The following MIPOL1 variants were observed in gnomAD, a reference collection of about 807,000 sequenced individuals.
The protein encoded by MIPOL1 is mirror-image polydactyly 1, also known as mirror-image polydactyly gene 1 protein.
In MIPOL1, 57 loss-of-function variants were observed where a neutral mutation model predicts 60.9. The observed-to-expected ratio is 0.94, with a 90% CI of 0.76 to 1.17. The LOEUF is 1.17. Ranked by LOEUF, MIPOL1 falls within the 50% of genes most tolerant of loss-of-function variation. MIPOL1 has a pLI of 0.00. For synonymous variants in MIPOL1, 179 were observed against 168.8 expected, an observed-to-expected ratio of 1.06 and a Z score of -0.47; for missense variants, 551 against 511.6, an observed-to-expected ratio of 1.08 and a Z score of -0.74.
chr14:37,378,852 A>G (rs993832907), intron 10 of MIPOL1, among the ~76,000 whole-genome samples: 1 of 152,104 alleles, frequency 6.6e-6, no homozygotes, highest in Non-Finnish European at 1.5e-5. Context: ...TTCACTGTAT[A>G]AAAAGGCACT....
intron 9 of MIPOL1, among the ~76,000 whole-genome samples, chr14:37,349,487 A>G (rs932763862): frequency 3.3e-5 from 5 of 152,172 alleles, no homozygotes; most frequent in Non-Finnish European, 7.3e-5. Context: ...CATTCCTGCT[A>G]CAGGATTCTC....
At chr14:37,216,100 A>G (rs577609877) in intron 1 of MIPOL1, among the ~76,000 whole-genome samples, 6 of 151,974 alleles carry the variant, frequency 3.9e-5, no homozygotes, top group African/African-American at 1.2e-4. Context: ...AAAGGGATGG[A>G]AAGAGCTATT....
rs1288303852 is a variant in MIPOL1 at position 37,270,508 on chromosome 14, T to C, written c.476T>C (p.Ile159Thr). 6.3e-7 allele frequency: 1 copy of C among 1,596,638 alleles called. No individual in the cohort carries two copies. Among genetic ancestry groups the C allele is most frequent in the Non-Finnish European group, 8.5e-7 (1 of 1,170,508 alleles). ...ELQEKETEAK[I>T]AEKTAALVEE... Reference sequence around the variant, plus strand: ...CAAGAGAAAGAAACAGAAGCTAAAATTGCTGAAAAGACAGCAGGTATAGTA... The same window carrying C: ...CAAGAGAAAGAAACAGAAGCTAAAACTGCTGAAAAGACAGCAGGTATAGTA... The change falls in exon 6 of 13, where the codon ATT becomes ACT. Residue 159 changes from isoleucine (I) to threonine (T), a missense_variant. By Grantham distance (89) the Ile-to-Thr change is moderately conservative. Transcript: ENST00000684589.
chr14:37,494,647 A>G (rs1429209499), intron 11 of MIPOL1, among the ~76,000 whole-genome samples: 2 of 152,216 alleles, frequency 1.3e-5, no homozygotes, highest in East Asian at 1.9e-4. Context: ...GCTCTGCTAC[A>G]TGTATTAAAT....
intron 9 of MIPOL1, among the ~76,000 whole-genome samples, chr14:37,317,592 C>G (rs1313425533): frequency 1.3e-5 from 2 of 152,036 alleles, no homozygotes; most frequent in Admixed American, 1.3e-4. Context: ...AGTGATGAGG[C>G]ACATAGAAAG....
chr14:37,508,466 A>G (rs2095299335), intron 12 of MIPOL1, among the ~76,000 whole-genome samples: 1 of 152,146 alleles, frequency 6.6e-6, no homozygotes, highest in African/African-American at 2.4e-5. Flanking sequence ...TTTAAACGAT[A>G]TTTTTATTGT....
intron 10 of MIPOL1, among the ~76,000 whole-genome samples, chr14:37,408,863 G>A (rs1179632075): frequency 2.0e-5 from 3 of 152,144 alleles, no homozygotes; most frequent in Non-Finnish European, 4.4e-5. Context: ...AGCATTGCTG[G>A]TTTCACAAAA....
rs1171387928 is a variant in MIPOL1 at position 37,524,559 on chromosome 14, C to CTTTTTT, written c.1263-22341_1263-22340insTTTTTT. Among the ~76,000 whole-genome samples, 5 of 18,498 alleles carry CTTTTTT rather than the reference C, an allele frequency of 2.7e-4. 2 individuals carry two copies. The highest frequency in any genetic ancestry group is 1.2e-3 in the African/African-American group (3 of 2,574). The allele number at this position is 18,498 out of a possible 152,430, so 12.1% of individuals were successfully genotyped here. ...TGTTCTTCTTGACATCTTAATTTTTCTTTTTCTTTTCTTTTTTTTTTTTTT... is the reference window on the plus strand; with the variant it reads ...TGTTCTTCTTGACATCTTAATTTTTCTTTTTTTTTTTCTTTTCTTTTTTTTTTTTTT... On this transcript the variant is annotated intron_variant, in intron 12 of 12. Coordinates refer to ENST00000684589, the MANE Select transcript of MIPOL1 (RefSeq NM_001388067.1).
chr14:37,212,170 T>C (rs1966859966), intron 1 of MIPOL1: 3 of 152,188 alleles, frequency 2.0e-5, no homozygotes, highest in African/African-American at 7.2e-5. Context: ...CGCAAAACTC[T>C]TTCTGTCTGA....
chr14:37,257,567 G>A (rs1210116023), intron 3 of MIPOL1, among the ~76,000 whole-genome samples: 1 of 152,044 alleles, frequency 6.6e-6, no homozygotes, highest in Non-Finnish European at 1.5e-5. Context: ...GGTTTCATTT[G>A]GAATCTTAAT....
chr14:37,392,677 C>A (rs886654954), intron 10 of MIPOL1, among the ~76,000 whole-genome samples: 4 of 152,016 alleles, frequency 2.6e-5, no homozygotes, highest in Admixed American at 6.6e-5. Flanking sequence ...TATCCTTTAT[C>A]CCTGTGAGAA....
Position 37,270,502 on chromosome 14 carries a change from C to G in MIPOL1, c.470C>G (p.Ala157Gly), listed in dbSNP as rs1357106636. 3.1e-6 allele frequency: 5 copies of G among 1,595,568 alleles called. No individual in the cohort carries two copies. The change falls in exon 6 of 13, where the codon GCT (alanine) becomes GGT (glycine). Residue 157 changes from alanine to glycine, a missense_variant. Transcript: ENST00000684589. ...KLELQEKETEAKIAEKTAALV... is the reference protein window; with the variant it reads ...KLELQEKETEGKIAEKTAALV... The stretch of plus-strand genomic sequence containing the variant: ...GAACTCCAAGAGAAAGAAACAGAAG[C>G]TAAAATTGCTGAAAAGACAGCAGGT...
At chr14:37,241,264 A>T (rs188910600) in intron 1 of MIPOL1, among the ~76,000 whole-genome samples, 1 of 152,134 alleles carries the variant, frequency 6.6e-6, no homozygotes, top group Non-Finnish European at 1.5e-5. Flanking sequence ...TGTTCTATTC[A>T]GGACCTTGAA....
In MIPOL1 at chr14:37,500,118, G is replaced by A; in HGVS notation, c.1242G>A (p.Val414=). 1.9e-6 allele frequency: 3 copies of A among 1,604,214 alleles called. No individual in the cohort carries two copies. The highest frequency in any genetic ancestry group is 2.6e-6 in the Non-Finnish European group (3 of 1,175,460). The stretch of plus-strand genomic sequence containing the variant: ...AACATGCCAGAGAGGCCTCCCAAGT[G>A]GCCAATGAAAAAGTTCAAAAGTAAG... The part of the protein sequence containing the change: ...QLQHAREASQ[V]ANEKVQKLER... Residue 414 remains valine, a synonymous_variant, in exon 12 of 13, where the codon GTG becomes GTA. Transcript: ENST00000684589.
At chr14:37,485,533 C>T (rs2094934099) in intron 11 of MIPOL1, among the ~76,000 whole-genome samples, 2 of 152,076 alleles carry the variant, frequency 1.3e-5, no homozygotes, top group Admixed American at 6.6e-5. Flanking sequence ...TTCTAACTGG[C>T]GTGAGATGGT....
Position 37,206,443 on chromosome 14 carries a change from C to G in MIPOL1, c.-199+8339C>G, listed in dbSNP as rs141537766. ...GCCTGGATATCCAGGCAGAAGTTTG[C>G]TACAGGGATGGGGCCCTCATGGAGA... is the stretch of plus-strand genomic sequence containing the variant. On this transcript the variant is annotated intron_variant, in intron 1 of 12. Coordinates refer to ENST00000684589, the MANE Select transcript of MIPOL1 (RefSeq NM_001388067.1). 9.1e-3 allele frequency among the ~76,000 whole-genome samples: 1,384 copies of G among 152,288 alleles called. 22 individuals carry two copies. The highest frequency in any genetic ancestry group is 0.033 in the African/African-American group (1,352 of 41,552).
intron 11 of MIPOL1, among the ~76,000 whole-genome samples, chr14:37,482,824 AC>A (rs1216624810): frequency 1.3e-5 from 2 of 152,070 alleles, no homozygotes; most frequent in Non-Finnish European, 2.9e-5. Context: ...AGAAAAGGGA[AC>A]CCTTGTATAC....
chr14:37,544,457 T>A (rs1258587522), intron 12 of MIPOL1, among the ~76,000 whole-genome samples: 1 of 152,208 alleles, frequency 6.6e-6, no homozygotes, highest in African/African-American at 2.4e-5. Flanking sequence ...TTCATGAAGC[T>A]GTTGAGAAGA....
chr14:37,479,100 G>C (rs2094822134), intron 11 of MIPOL1, among the ~76,000 whole-genome samples: 1 of 151,854 alleles, frequency 6.6e-6, no homozygotes, highest in South Asian at 2.1e-4. Flanking sequence ...TGTTTCCAGT[G>C]GGGTTGGAGA....
Sources: gnomAD v4.1 joint callset for allele counts (sites outside exome capture counted in the v4.1 genomes callset) on GRCh38, gnomAD v4.1.1 for gene constraint, MANE v1.5 for transcripts, NCBI Gene and HGNC (gene_info 2026-07-23, HGNC 2026-07-21) for gene names.